FAM151A: variants seen among roughly 807,000 people sequenced by gnomAD.
FAM151A encodes the protein protein FAM151A.
FAM151A carries 41 observed loss-of-function variants against 40.4 expected under a neutral mutation model. The ratio of observed to expected loss-of-function variants is 1.01; its 90% CI spans 0.79 to 1.32. FAM151A has a LOEUF of 1.32. Ranked by LOEUF, FAM151A falls within the 40% of genes most tolerant of loss-of-function variation. FAM151A has a pLI of 0.00. For synonymous variants in FAM151A, 337 were observed against 312.5 expected, an observed-to-expected ratio of 1.08 and a Z score of -0.83; for missense variants, 740 against 740.4, an observed-to-expected ratio of 1.00 and a Z score of 0.01.
Position 54,610,424 on chromosome 1 carries a change from T to G in FAM151A, c.1072A>C (p.Met358Leu), listed in dbSNP as rs1255139482. The G allele has an allele frequency of 6.2e-7, 1 of 1,613,284 alleles. No individual in the cohort carries two copies. The highest frequency in any genetic ancestry group is 1.3e-5 in the African/African-American group (1 of 74,920). ...GGGTAGACCTTACCTGGGAGGGTCATTGTTGCTGTTTTACCGCTGCCCTGG... is the reference window on the plus strand; with the variant it reads ...GGGTAGACCTTACCTGGGAGGGTCAGTGTTGCTGTTTTACCGCTGCCCTGG... Reference protein sequence around the residue: ...DVQGSGKTATMTLPDTEGMIL... With the variant: ...DVQGSGKTATLTLPDTEGMIL... Residue 358 changes from methionine (M) to leucine (L), a missense_variant, in exon 7 of 8, where the codon ATG becomes CTG. Met to Leu is a conservative substitution (Grantham distance 15). Transcript: ENST00000302250.
At chr1:54,611,883 T>C (rs1644122605) in intron 5 of FAM151A, 138 bp from the exon 6 acceptor site, 1 of 959,674 alleles carries the variant, frequency 1.0e-6, no homozygotes, top group Non-Finnish European at 1.6e-6. Flanking sequence ...CACTTCTCCC[T>C]GAGTCCTACC....
At chr1:54,615,507 G>A (rs1294776676) in intron 3 of FAM151A, among the ~76,000 whole-genome samples, 2 of 152,264 alleles carry the variant, frequency 1.3e-5, no homozygotes, top group East Asian at 3.9e-4. Flanking sequence ...CTGAATTTGG[G>A]GCAGGAAGCC....
In FAM151A at chr1:54,623,288, C is replaced by T. The variant is rs200226091; in HGVS notation, c.108G>A (p.Leu36=). The T allele has an allele frequency of 6.2e-7, 1 of 1,613,838 alleles. No individual in the cohort carries two copies. The highest frequency in any genetic ancestry group is 1.3e-5 in the African/African-American group (1 of 75,026). The change falls in exon 1 of 8, where the codon CTG becomes CTA. Residue 36 remains leucine (L), a synonymous_variant. Coordinates refer to ENST00000302250, the MANE Select transcript of FAM151A (RefSeq NM_176782.3). ...VIAAIVLAIT[L]RRPGCELEAC... is the part of the protein sequence containing the mutation. ...GGGGGAGGCACCTACCTGGCCGCCG[C>T]AGGGTGATGGCAAGGACTATTGCGG...
At chr1:54,620,150 G>C in intron 1 of FAM151A, 143 bp from the exon 2 acceptor site, 3 of 865,524 alleles carry the variant, frequency 3.5e-6, no homozygotes, top group Non-Finnish European at 5.2e-6. Context: ...AGACTCACTG[G>C]TGCTACAATA....
In FAM151A at chr1:54,610,086, G is replaced by A. The variant is rs529021924; in HGVS notation, c.1085-145C>T. On this transcript the variant is annotated intron_variant, in intron 7 of 7. Transcript: ENST00000302250. ...TCTGTCAACCCAGTTTTGGGCTCCA[G>A]GTGGATGGGTTGCTTTATAAATGTG... is the stretch of plus-strand genomic sequence containing the variant. 2.1e-6 allele frequency: 3 copies of A among 1,435,640 alleles called. No homozygotes were observed. In the Admixed American group the frequency reaches 8.5e-5, roughly 41 times the overall value. The allele number at this position is 1,435,640 out of a possible 1,614,324, so 88.9% of individuals were successfully genotyped here. A position where few individuals can be genotyped will look rare whatever the true frequency, so the allele number is the denominator to read the frequency against.
chr1:54,615,763 G>A (rs1644166619), intron 3 of FAM151A, among the ~76,000 whole-genome samples: 1 of 152,192 alleles, frequency 6.6e-6, no homozygotes, highest in East Asian at 1.9e-4. Context: ...AGCATGCGCG[G>A]CACTTTGCAG....
At chr1:54,620,741 C>T (rs564720798) in intron 1 of FAM151A, among the ~76,000 whole-genome samples, 11 of 144,722 alleles carry the variant, frequency 7.6e-5, no homozygotes, top group Non-Finnish European at 1.2e-4. Context: ...CCCAGCTACT[C>T]GGGAGGCTGA....
chr1:54,612,452 C>A (rs1369735668), intron 5 of FAM151A, 34 bp downstream of exon 5: 3 of 1,531,456 alleles, frequency 2.0e-6, no homozygotes, highest in Middle Eastern at 1.7e-4. Context: ...ATCAGTGCCT[C>A]CAGGAGGGTG....
rs202193137 is a variant in FAM151A, at chr1:54,609,845, G to A, written c.1181C>T (p.Thr394Met). 121 of 1,614,070 alleles carry A rather than the reference G, an allele frequency of 7.5e-5. No homozygotes were observed. Among genetic ancestry groups the A allele is most frequent in the Admixed American group, 4.3e-4 (26 of 60,036 alleles). ...CAGCTGCTGCAGGCAGGACTCCAGC[G>A]TCAGGATGTTGCCACTTGGAGTATG... ...IVHTPSGNIL[T>M]LESCLQQLAT... is the part of the protein sequence containing the mutation. Residue 394 changes from threonine (T) to methionine (M), a missense_variant, in exon 8 of 8, where the codon ACG (threonine) becomes ATG (methionine). Coordinates refer to ENST00000302250, the MANE Select transcript of FAM151A (RefSeq NM_176782.3).
rs143281849 is a variant in FAM151A at position 54,616,100 on chromosome 1, A to T, written c.335T>A (p.Ile112Asn). ...LGTANETGVP[I>N]MAHPPTIYSD... The stretch of plus-strand genomic sequence containing the variant: ...GTAGATAGTGGGGGGGTGTGCCATG[A>T]TGGGAACTCCTGTCTCATTGGCTGT... The change falls in exon 3 of 8, where the codon ATC becomes AAC. Residue 112 changes from isoleucine (I) to asparagine (N), a missense_variant. Physicochemically the swap from Ile to Asn is moderately radical, Grantham distance 149. Transcript: ENST00000302250. 15 of 1,614,024 alleles carry T rather than the reference A, an allele frequency of 9.3e-6. No homozygotes were observed. The African/African-American group carries it at 1.5e-4, about 16-fold the overall frequency.
Position 54,616,086 on chromosome 1 carries a change from G to T in FAM151A, c.349C>A (p.Pro117Thr), listed in dbSNP as rs758503125. The T allele has an allele frequency of 6.2e-7, 1 of 1,614,188 alleles. No homozygotes were observed. Among genetic ancestry groups the T allele is most frequent in the Non-Finnish European group, 8.5e-7 (1 of 1,180,036 alleles). Residue 117 changes from proline (P) to threonine (T), a missense_variant, in exon 3 of 8, where the codon CCC (proline) becomes ACC (threonine). Coordinates refer to ENST00000302250, the MANE Select transcript of FAM151A (RefSeq NM_176782.3). ...AGTGTGTTGTCACTGTAGATAGTGGGGGGGTGTGCCATGATGGGAACTCCT... is the reference window on the plus strand; with the variant it reads ...AGTGTGTTGTCACTGTAGATAGTGGTGGGGTGTGCCATGATGGGAACTCCT... ...ETGVPIMAHP[P>T]TIYSDNTLEQ...
At chr1:54,611,497 G>C (rs572929342) in intron 6 of FAM151A, 109 bp downstream of exon 6, 1 of 1,025,166 alleles carries the variant, frequency 9.8e-7, no homozygotes, top group Non-Finnish European at 1.5e-6. Context: ...GTCCCACCCC[G>C]GCCTTCCCCC....
At chr1:54,613,214 T>C (rs1371912037) in intron 4 of FAM151A, among the ~76,000 whole-genome samples, 3 of 151,944 alleles carry the variant, frequency 2.0e-5, no homozygotes, top group Non-Finnish European at 4.4e-5. Flanking sequence ...ACCCTGTCTC[T>C]ACTAAAAATA....
At position 54,616,968 on chromosome 1, in the gene FAM151A, A is replaced by T. The variant is rs191391646; in HGVS notation, c.263-796T>A. On this transcript the variant is annotated intron_variant, in intron 2 of 7. Transcript: ENST00000302250. ...CAATCCTCCCACTTTGGCCTCTCAA[A>T]GTGTTGAGATTACAGGTGAGTCTCA... Among the ~76,000 whole-genome samples, 320 of 142,706 alleles carry T rather than the reference A, an allele frequency of 2.2e-3. 6 individuals carry two copies. Among genetic ancestry groups the T allele is most frequent in the Non-Finnish European group, 8.6e-4 (56 of 65,096 alleles). 93.6% of individuals were successfully genotyped at this position (142,706 alleles called of 152,430 possible). A position where few individuals can be genotyped will look rare whatever the true frequency, so the allele number is the denominator to read the frequency against.
chr1:54,612,570 G>A lies in FAM151A; in HGVS notation c.716C>T (p.Pro239Leu), dbSNP rs1041411242. The A allele has an allele frequency of 6.2e-7, 1 of 1,614,040 alleles. No homozygotes were observed. Residue 239 changes from proline (P) to leucine (L), a missense_variant, in exon 5 of 8, where the codon CCC (proline) becomes CTC (leucine). By Grantham distance (98) the Pro-to-Leu change is moderately conservative (BLOSUM62 -3). Transcript: ENST00000302250. Reference sequence around the variant, plus strand: ...CCGTACAGGGAAGGTGACCCTCTGGGGCACTCCTCCCACCAGCTCGTGCAT... The same window carrying A: ...CCGTACAGGGAAGGTGACCCTCTGGAGCACTCCTCCCACCAGCTCGTGCAT... ...EKMHELVGGV[P>L]QRVTFPVRSS...
intron 3 of FAM151A, among the ~76,000 whole-genome samples, chr1:54,615,406 AAG>A (rs1218223170): frequency 3.9e-5 from 6 of 152,300 alleles, no homozygotes; most frequent in Non-Finnish European, 8.8e-5. Context: ...GGAGGGTTAA[AAG>A]AGAGGCGTGG....
chr1:54,612,850 A>G, intron 4 of FAM151A, 140 bp from the exon 5 acceptor site: 1 of 652,562 alleles, frequency 1.5e-6, no homozygotes, highest in Non-Finnish European at 2.6e-6. Flanking sequence ...AAAGGACAGA[A>G]TGGCTTGTTT....
At chr1:54,614,964 G>GCACA in intron 3 of FAM151A, 105 bp from the exon 4 acceptor site, 1 of 1,182,544 alleles carries the variant, frequency 8.5e-7, no homozygotes, top group Non-Finnish European at 1.2e-6. Context: ...GCATGTGCGT[G>GCACA]CACAGTGGAG....
Position 54,614,770 on chromosome 1 carries a change from GC to G in FAM151A, c.504del (p.Ile170TyrfsTer8). 1.2e-6 allele frequency: 2 copies of G among 1,614,150 alleles called. No homozygotes were observed. Among genetic ancestry groups the G allele is most frequent in the South Asian group, 2.2e-5 (2 of 91,078 alleles). ...AAGATGTCAGCGTTGATCCATATGG[GC>G]CGCCGGACTTTGCCTTCCTCTGTCA... ...RQLTEEGKVR[R>X]PIWINADILK... On this transcript the variant is annotated frameshift_variant, in exon 4 of 8. Coordinates refer to ENST00000302250, the MANE Select transcript of FAM151A (RefSeq NM_176782.3). LOFTEE classifies it high-confidence loss of function.
Sources: allele counts gnomAD v4.1 joint callset (sites outside exome capture counted in the v4.1 genomes callset), GRCh38; gene constraint gnomAD v4.1.1; transcripts MANE v1.5; gene names NCBI Gene and HGNC (gene_info 2026-07-23, HGNC 2026-07-21).